Variants in PRRC2B observed in about 807,000 individuals in gnomAD.
PRRC2B encodes the protein protein PRRC2B.
In PRRC2B, 68 loss-of-function variants were observed where a neutral mutation model predicts 242.3. That is an observed-to-expected ratio of 0.28 (90% CI 0.23 to 0.34). The LOEUF (loss-of-function observed/expected upper bound fraction) is 0.34. Among genes scored for constraint, PRRC2B ranks in the 10% least tolerant of loss-of-function variants. The pLI, the probability that PRRC2B is intolerant of heterozygous loss-of-function variation, is 1.00. For missense variants in PRRC2B, 2,835 were observed against 2,954.8 expected, an observed-to-expected ratio of 0.96 and a Z score of 0.94; for synonymous variants, 1,228 against 1,173.6, an observed-to-expected ratio of 1.05 and a Z score of -0.95.
upstream of PRRC2B, among the ~76,000 whole-genome samples, chr9:131,393,531 A>G (rs1204277472): frequency 6.6e-6 from 1 of 152,212 alleles, no homozygotes; most frequent in Admixed American, 6.5e-5. Context: ...ATATTGTGCA[A>G]CAACCTTGCT....
At chr9:131,397,036 C>T (rs517961) in intron 1 of PRRC2B, among the ~76,000 whole-genome samples, 111,323 of 152,126 alleles carry the variant, frequency 0.73, 42,160 homozygotes, top group East Asian at 0.92. Context: ...TCCAGACCTC[C>T]TAGCTGTGGA....
chr9:131,430,191 G>A lies in PRRC2B; in HGVS notation c.47G>A (p.Ser16Asn), dbSNP rs763401108. Residue 16 changes from serine (S) to asparagine (N), a missense_variant, in exon 2 of 32, where the codon AGC becomes AAC. Around this residue, in one of 7 missense-constraint regions of PRRC2B, gnomAD observed 626 missense variants for 685.5 expected, o/e 0.91. Transcript: ENST00000683519. ...ATTACCAAGGGCAAGGATGGGAAAA[G>A]CAAGTACTCGACTCTCAGCCTGTTT... is the stretch of plus-strand genomic sequence containing the variant. Reference protein sequence around the residue: ...GQITKGKDGKSKYSTLSLFDK... With the variant: ...GQITKGKDGKNKYSTLSLFDK... 3 of 1,608,524 alleles carry A rather than the reference G, an allele frequency of 1.9e-6. No homozygotes were observed. In the East Asian group the frequency reaches 6.7e-5, roughly 36 times the overall value.
Position 131,432,755 on chromosome 9 carries a change from C to A in PRRC2B, c.254C>A (p.Thr85Lys). 6.2e-7 allele frequency: 1 copy of A among 1,614,034 alleles called. No homozygotes were observed. Among genetic ancestry groups the A allele is most frequent in the Non-Finnish European group, 8.5e-7 (1 of 1,179,904 alleles). Residue 85 changes from threonine (T) to lysine (K), a missense_variant, in exon 3 of 32, where the codon ACG becomes AAG. Thr to Lys is a moderately conservative substitution (Grantham distance 78). This residue lies in a region of PRRC2B where 626 missense variants were observed against 685.5 expected (regional missense o/e 0.91). Transcript: ENST00000683519. The stretch of plus-strand genomic sequence containing the variant: ...ATCGTGATAGTACCCAAGGACGGGA[C>A]GGGATGGGCAAACAAGCAGGATCAG... ...PNIVIVPKDG[T>K]GWANKQDQQD...
intron 1 of PRRC2B, among the ~76,000 whole-genome samples, chr9:131,406,059 G>T (rs572035897): frequency 6.6e-6 from 1 of 152,152 alleles, no homozygotes; most frequent in East Asian, 1.9e-4. Context: ...TCCATAGACC[G>T]CAGCTATTAA....
chr9:131,401,977 G>T (rs1022511655), intron 1 of PRRC2B, among the ~76,000 whole-genome samples: 1 of 148,136 alleles, frequency 6.8e-6, no homozygotes, highest in Non-Finnish European at 1.5e-5. Flanking sequence ...TTGTATTATT[G>T]TTATTATTTT....
chr9:131,414,171 G>A (rs1296229289), intron 1 of PRRC2B, among the ~76,000 whole-genome samples: 2 of 151,864 alleles, frequency 1.3e-5, no homozygotes, highest in Non-Finnish European at 2.9e-5. Context: ...AGAAAAGATG[G>A]CCTTTTCAGA....
chr9:131,375,361 A>T (rs1192055766), intron 1 of PRRC2B, among the ~76,000 whole-genome samples: 3 of 151,952 alleles, frequency 2.0e-5, no homozygotes, highest in African/African-American at 7.3e-5. Context: ...ATTGCGTCAC[A>T]GCACTCCAGC....
chr9:131,478,635 T>TGGGGGGGG lies in PRRC2B; in HGVS notation c.4758+23_4758+24insGGGGGGGG. On this transcript the variant is annotated intron_variant, in intron 18 of 31. Transcript: ENST00000683519. ...GGCCGTGCAGGTGAGGGGCGGAGGG[T>TGGGGGGGG]GGGGGGGCATGGGGCTGGAGGGCAG... The TGGGGGGGG allele has an allele frequency of 5.7e-6, 1 of 176,692 alleles. No individual in the cohort carries two copies. Among genetic ancestry groups the TGGGGGGGG allele is most frequent in the Non-Finnish European group, 1.1e-5 (1 of 89,458 alleles). The allele number at this position is 176,692 out of a possible 1,614,324, so 10.9% of individuals were successfully genotyped here. A position where few individuals can be genotyped will look rare whatever the true frequency, so the allele number is the denominator to read the frequency against.
intron 1 of PRRC2B, among the ~76,000 whole-genome samples, chr9:131,423,899 A>G (rs1014561927): frequency 1.3e-5 from 2 of 151,914 alleles, no homozygotes; most frequent in African/African-American, 4.8e-5. Context: ...CCAGGCTTGT[A>G]AGAGGTGGCT....
chr9:131,413,471 C>A (rs1286108255), intron 1 of PRRC2B, among the ~76,000 whole-genome samples: 2 of 152,208 alleles, frequency 1.3e-5, no homozygotes. Context: ...AATTTACGTT[C>A]AAGTGCTATT....
chr9:131,446,279 G>A lies in PRRC2B; in HGVS notation c.614-122G>A. On this transcript the variant is annotated intron_variant, in intron 6 of 31. Coordinates refer to ENST00000683519, the MANE Select transcript of PRRC2B (RefSeq NM_013318.4). This position sits in a 1 kb window ranked among gnomAD's most constrained non-coding sequence, Gnocchi z 4.1. ...GATTTAACAGTTCTTCACTTTTGGTGTTTTTTGTTTTTCATTTTATTTTTT... is the reference window on the plus strand; with the variant it reads ...GATTTAACAGTTCTTCACTTTTGGTATTTTTTGTTTTTCATTTTATTTTTT... The A allele has an allele frequency of 8.1e-7, 1 of 1,238,618 alleles. No homozygotes were observed. Among genetic ancestry groups the A allele is most frequent in the East Asian group, 2.4e-5 (1 of 40,968 alleles). The allele number at this position is 1,238,618 out of a possible 1,614,324, so 76.7% of individuals were successfully genotyped here.
chr9:131,479,948 A>G (rs1218448151), intron 19 of PRRC2B, among the ~76,000 whole-genome samples: 1 of 152,046 alleles, frequency 6.6e-6, no homozygotes, highest in Non-Finnish European at 1.5e-5. Flanking sequence ...ATCAAATGTA[A>G]TTTTTCTGGG....
upstream of PRRC2B, among the ~76,000 whole-genome samples, chr9:131,393,873 C>A (rs1338670167): frequency 1.3e-5 from 2 of 151,098 alleles, no homozygotes; most frequent in Non-Finnish European, 3.0e-5. Context: ...CTCCCAGCCC[C>A]CTCCCAGCCC....
intron 2 of PRRC2B, among the ~76,000 whole-genome samples, chr9:131,430,984 C>T (rs1429154955): frequency 2.0e-5 from 3 of 147,504 alleles, no homozygotes; most frequent in African/African-American, 5.0e-5. Context: ...CAGTTTCGCT[C>T]TTATTGCCCA....
chr9:131,418,118 C>T (rs1455038821), intron 1 of PRRC2B, among the ~76,000 whole-genome samples: 5 of 152,246 alleles, frequency 3.3e-5, no homozygotes, highest in South Asian at 2.1e-4. Context: ...GTGATGGTGT[C>T]ACCACCACTA....
chr9:131,439,083 T>G, intron 5 of PRRC2B, 22 bp downstream of exon 5: 1 of 1,608,034 alleles, frequency 6.2e-7, no homozygotes, highest in Non-Finnish European at 8.5e-7. Context: ...CGTGTGTGTG[T>G]TGTTTGGGGA....
At chr9:131,467,529 C>G in intron 12 of PRRC2B, 34 bp from the exon 13 acceptor site, 1 of 1,526,900 alleles carries the variant, frequency 6.5e-7, no homozygotes, top group Non-Finnish European at 8.9e-7. Flanking sequence ...TCTGTGAGCT[C>G]ACTGTGTCAT....
At chr9:131,408,757 T>G (rs528096794) in intron 1 of PRRC2B, among the ~76,000 whole-genome samples, 85 of 152,212 alleles carry the variant, frequency 5.6e-4, no homozygotes, top group African/African-American at 2.0e-3. Context: ...TTACTCTTGT[T>G]GCCCGGGCTG....
At chr9:131,422,300 A>G (rs572407626) in intron 1 of PRRC2B, among the ~76,000 whole-genome samples, 13 of 151,974 alleles carry the variant, frequency 8.6e-5, no homozygotes, top group Non-Finnish European at 1.5e-4. Flanking sequence ...TGATCCACCC[A>G]CCTTGGCCTC....
Sources: gnomAD v4.1 joint callset for allele counts (sites outside exome capture counted in the v4.1 genomes callset) on GRCh38, gnomAD v4.1.1 for gene constraint, gnomAD v4.1.1 regional missense constraint, Gnocchi (gnomAD v3.1) non-coding constraint, MANE v1.5 for transcripts, NCBI Gene and HGNC (gene_info 2026-07-23, HGNC 2026-07-21) for gene names.